DGKB: variants seen among roughly 807,000 people sequenced by gnomAD.
DGKB encodes the protein 90 kDa diacylglycerol kinase.
In DGKB, 67 loss-of-function variants were observed where a neutral mutation model predicts 114.3. The observed-to-expected ratio is 0.59, with a 90% CI of 0.48 to 0.72. DGKB has a LOEUF of 0.72. Among genes scored for constraint, DGKB ranks in the 30% least tolerant of loss-of-function variants. The pLI, the probability that DGKB is intolerant of heterozygous loss-of-function variation, is 0.00. For synonymous variants in DGKB, 398 were observed against 323.1 expected, an observed-to-expected ratio of 1.23 and a Z score of -2.49; for missense variants, 907 against 975.2, an observed-to-expected ratio of 0.93 and a Z score of 0.93.
chr7:14,804,014 C>T (rs898938679), intron 2 of DGKB, among the ~76,000 whole-genome samples: 3 of 151,346 alleles, frequency 2.0e-5, no homozygotes, highest in African/African-American at 7.3e-5. Flanking sequence ...TTATTTATAC[C>T]ACTCAATAAC....
chr7:14,199,166 A>G (rs1393879365), intron 23 of DGKB, among the ~76,000 whole-genome samples: 1 of 152,064 alleles, frequency 6.6e-6, no homozygotes, highest in Non-Finnish European at 1.5e-5. Context: ...AACTTTATGT[A>G]TAAGTAATAA....
chr7:14,157,983 G>C (rs1393520695), intron 25 of DGKB, among the ~76,000 whole-genome samples: 2 of 152,122 alleles, frequency 1.3e-5, no homozygotes, highest in African/African-American at 4.8e-5. Context: ...TAGTAATGGT[G>C]TTAAGGACAT....
At chr7:14,521,908 T>G (rs77328199) in intron 20 of DGKB, among the ~76,000 whole-genome samples, 1 of 152,074 alleles carries the variant, frequency 6.6e-6, no homozygotes, top group Non-Finnish European at 1.5e-5. Flanking sequence ...AGATGTATAT[T>G]TTTTTTGGCT....
intron 20 of DGKB, among the ~76,000 whole-genome samples, chr7:14,563,692 G>A (rs1448551926): frequency 6.9e-6 from 1 of 144,012 alleles, no homozygotes; most frequent in African/African-American, 2.6e-5. Context: ...TTGGTCCACT[G>A]TTGGGAATAT....
At chr7:14,437,604 A>T (rs1033974223) in intron 21 of DGKB, among the ~76,000 whole-genome samples, 1 of 151,996 alleles carries the variant, frequency 6.6e-6, no homozygotes, top group African/African-American at 2.4e-5. Context: ...TACCTCCTAA[A>T]TATGTTTTCA....
intron 2 of DGKB, among the ~76,000 whole-genome samples, chr7:14,791,019 C>T (rs994939144): frequency 6.6e-5 from 10 of 151,896 alleles, no homozygotes; most frequent in South Asian, 2.1e-4. Flanking sequence ...TTGTAAAGAA[C>T]GGGGTCTCAC....
At chr7:14,335,682 T>C (rs1810519129) in intron 23 of DGKB, among the ~76,000 whole-genome samples, 1 of 152,240 alleles carries the variant, frequency 6.6e-6, no homozygotes, top group Admixed American at 6.5e-5. Flanking sequence ...TTTGTGTGAA[T>C]TTGAAATATA....
At chr7:14,856,346 T>C (rs765014371) in intron 1 of DGKB, among the ~76,000 whole-genome samples, 33 of 152,158 alleles carry the variant, frequency 2.2e-4, no homozygotes, top group African/African-American at 7.5e-4. Context: ...TATACAACTA[T>C]GATTGATGTT....
chr7:14,383,014 T>G (rs1005477581), intron 21 of DGKB, among the ~76,000 whole-genome samples: 4 of 152,234 alleles, frequency 2.6e-5, no homozygotes, highest in Non-Finnish European at 5.9e-5. Flanking sequence ...TGACTAACAA[T>G]TTGGTAATAT....
At chr7:14,188,619 C>T (rs1318564471) in intron 23 of DGKB, among the ~76,000 whole-genome samples, 3 of 110,642 alleles carry the variant, frequency 2.7e-5, no homozygotes, top group African/African-American at 1.0e-4. Context: ...TAGATCCCGC[C>T]ACTGCACTCC....
At chr7:14,861,243 C>T (rs966167191) in intron 1 of DGKB, among the ~76,000 whole-genome samples, 2 of 151,752 alleles carry the variant, frequency 1.3e-5, no homozygotes, top group African/African-American at 2.4e-5. Context: ...ATAAGATGTA[C>T]AAAACTATTT....
intron 25 of DGKB, among the ~76,000 whole-genome samples, chr7:14,157,876 AC>A (rs1783262343): frequency 6.6e-6 from 1 of 152,148 alleles, no homozygotes; most frequent in African/African-American, 2.4e-5. Context: ...ATACAAAAAC[AC>A]TTCTTTTCTT....
intron 23 of DGKB, among the ~76,000 whole-genome samples, chr7:14,249,717 T>A (rs1344505037): frequency 6.6e-6 from 1 of 152,192 alleles, no homozygotes; most frequent in African/African-American, 2.4e-5. Context: ...TAATTGGATC[T>A]TCTCTTTTTT....
intron 1 of DGKB, among the ~76,000 whole-genome samples, chr7:14,918,720 C>T (rs1278604237): frequency 6.6e-6 from 1 of 151,960 alleles, no homozygotes. Context: ...TCAATGCAAT[C>T]CCAATCAAAA....
chr7:14,334,829 A>G (rs768465026), intron 23 of DGKB, among the ~76,000 whole-genome samples: 14 of 152,258 alleles, frequency 9.2e-5, no homozygotes, highest in Non-Finnish European at 1.9e-4. Flanking sequence ...AGACATGGGA[A>G]AGGTCGAATA....
At chr7:14,704,132 T>C (rs1172660273) in intron 6 of DGKB, among the ~76,000 whole-genome samples, 3 of 152,038 alleles carry the variant, frequency 2.0e-5, no homozygotes, top group Non-Finnish European at 4.4e-5. Flanking sequence ...GAATTGAATA[T>C]AACATTTAGA....
At chr7:14,853,691 C>A (rs1366018580) in intron 1 of DGKB, among the ~76,000 whole-genome samples, 3 of 151,596 alleles carry the variant, frequency 2.0e-5, no homozygotes, top group Non-Finnish European at 4.4e-5. Flanking sequence ...CACGTCTCTA[C>A]TGAAAATACA....
At chr7:14,782,859 C>A (rs958840598) in intron 2 of DGKB, among the ~76,000 whole-genome samples, 2 of 151,788 alleles carry the variant, frequency 1.3e-5, no homozygotes, top group African/African-American at 2.4e-5. Context: ...AAGACAGATG[C>A]GGTCTTGTTC....
chr7:14,278,354 T>C (rs147420798), intron 23 of DGKB, among the ~76,000 whole-genome samples: 99 of 152,272 alleles, frequency 6.5e-4, no homozygotes, highest in African/African-American at 2.2e-3. Flanking sequence ...TTATGGTCAA[T>C]TGATTTTAGG....
Sources: gnomAD v4.1 joint callset for allele counts (sites outside exome capture counted in the v4.1 genomes callset) on GRCh38, gnomAD v4.1.1 for gene constraint, MANE v1.5 for transcripts, NCBI Gene and HGNC (gene_info 2026-07-23, HGNC 2026-07-21) for gene names.